Variants in RUFY2 observed in about 807,000 individuals in gnomAD.
RUFY2 encodes RUN and FYVE domain containing 2, also known as RUN and FYVE domain-containing protein 2.
RUFY2 carries 49 observed loss-of-function variants against 94.4 expected under a neutral mutation model. The observed-to-expected ratio is 0.52, with a 90% CI of 0.41 to 0.66. The LOEUF (loss-of-function observed/expected upper bound fraction) is 0.66. RUFY2 is among the 30% of genes least tolerant of loss of function. RUFY2 has a pLI of 0.00. For missense variants in RUFY2, 541 were observed against 692.8 expected, an observed-to-expected ratio of 0.78 and a Z score of 2.46; for synonymous variants, 255 against 235.7, an observed-to-expected ratio of 1.08 and a Z score of -0.75.
chr10:68,386,169 A>C, intron 7 of RUFY2, 41 bp from the exon 8 acceptor site: 3 of 1,553,328 alleles, frequency 1.9e-6, no homozygotes, highest in African/African-American at 2.7e-5. Context: ...AAATCACACG[A>C]ACTCAAAAAG....
chr10:68,386,180 G>T, intron 7 of RUFY2, 52 bp from the exon 8 acceptor site: 1 of 1,455,000 alleles, frequency 6.9e-7, no homozygotes, highest in Non-Finnish European at 9.6e-7. Context: ...ACTCAAAAAG[G>T]CACGAAAAAA....
chr10:68,390,739 A>G (rs2049911368), intron 7 of RUFY2, among the ~76,000 whole-genome samples: 1 of 151,526 alleles, frequency 6.6e-6, no homozygotes, highest in African/African-American at 2.4e-5. Flanking sequence ...AGGACTATAG[A>G]CATGTACCAC....
chr10:68,387,215 A>G (rs2049571385), intron 7 of RUFY2, among the ~76,000 whole-genome samples: 1 of 151,908 alleles, frequency 6.6e-6, no homozygotes, highest in South Asian at 2.1e-4. Context: ...AACTTAGCCA[A>G]GCGTGGTGGC....
chr10:68,399,750 A>G (rs1250788321), intron 3 of RUFY2, among the ~76,000 whole-genome samples: 1 of 152,232 alleles, frequency 6.6e-6, no homozygotes, highest in South Asian at 2.1e-4. Flanking sequence ...GATAAACTAA[A>G]GGGAGGCTGG....
chr10:68,395,935 C>CA (rs1471625454), intron 4 of RUFY2, among the ~76,000 whole-genome samples: 1 of 152,168 alleles, frequency 6.6e-6, no homozygotes, highest in Non-Finnish European at 1.5e-5. Context: ...ACCATGGGCC[C>CA]ACTCCCTTGG....
At chr10:68,355,527 T>G in intron 15 of RUFY2, 126 bp from the exon 16 acceptor site, 1 of 542,010 alleles carries the variant, frequency 1.8e-6, no homozygotes, top group East Asian at 3.3e-5. Context: ...TTTTATGGCC[T>G]TCTCTGGCTA....
chr10:68,393,163 C>A lies in RUFY2; in HGVS notation c.625G>T (p.Val209Phe). The A allele has an allele frequency of 6.5e-7, 1 of 1,547,432 alleles. No individual in the cohort carries two copies. The highest frequency in any genetic ancestry group is 8.9e-7 in the Non-Finnish European group (1 of 1,127,668). The change falls in exon 7 of 18, where the codon GTT (valine) becomes TTT (phenylalanine). Residue 209 changes from valine to phenylalanine, a missense_variant. Physicochemically the swap from Val to Phe is conservative, Grantham distance 50. Transcript: ENST00000602465. ...TTCAGTTGTCTATTTAATTCTTCAA[C>A]ATAATTCTTTTGGTCTAATATGGCA... Reference protein sequence around the residue: ...IAAILDQKNYVEELNRQLNST... With the variant: ...IAAILDQKNYFEELNRQLNST...
At chr10:68,379,107 ACTCT>A (rs2048854776) in intron 12 of RUFY2, 1 of 281,920 alleles carries the variant, frequency 3.5e-6, no homozygotes, top group Non-Finnish European at 6.5e-6. Flanking sequence ...GGATAATCTC[ACTCT>A]GTTTGTTCAT....
At chr10:68,378,444 G>A (rs1295815709) in intron 12 of RUFY2, 40 of 1,306,904 alleles carry the variant, frequency 3.1e-5, no homozygotes, top group Non-Finnish European at 3.7e-5. Flanking sequence ...ACCAAGAAAT[G>A]TACAGGGTTC....
chr10:68,379,557 T>TTG (rs772173930), intron 11 of RUFY2, 36 bp from the exon 12 acceptor site: 6 of 1,470,726 alleles, frequency 4.1e-6, no homozygotes, highest in Admixed American at 1.8e-5. Context: ...TGGTTTTGAT[T>TTG]TGTGTGTGTG....
intron 7 of RUFY2, among the ~76,000 whole-genome samples, chr10:68,391,981 C>A (rs1344946583): frequency 6.6e-6 from 1 of 151,356 alleles, no homozygotes; most frequent in Non-Finnish European, 1.5e-5. Context: ...AACAAACAAA[C>A]AAACAAACAA....
At chr10:68,341,493 ATTAC>A (rs933610359), downstream of RUFY2, 60 of 1,039,958 alleles carry the variant, frequency 5.8e-5, no homozygotes, top group African/African-American at 9.8e-5. Flanking sequence ...TTTGTTTAAT[ATTAC>A]TTAATTGATC....
At chr10:68,406,352 C>T (rs1436363558) in intron 1 of RUFY2, among the ~76,000 whole-genome samples, 3 of 152,072 alleles carry the variant, frequency 2.0e-5, no homozygotes, top group Non-Finnish European at 4.4e-5. Context: ...AAATCTGCAT[C>T]GTGGTCTGAC....
intron 15 of RUFY2, among the ~76,000 whole-genome samples, chr10:68,359,494 A>G (rs1195912117): frequency 2.7e-5 from 4 of 146,720 alleles, no homozygotes; most frequent in African/African-American, 9.9e-5. Flanking sequence ...ATATAGTAGT[A>G]CTACTATATA....
chr10:68,356,945 A>G (rs2047094567), intron 15 of RUFY2, among the ~76,000 whole-genome samples: 1 of 151,192 alleles, frequency 6.6e-6, no homozygotes, highest in South Asian at 2.1e-4. Context: ...AGACCGCCTG[A>G]GGTCAGGAAG....
At chr10:68,366,759 T>TATATTATATATATAA (rs1235098742) in intron 13 of RUFY2, among the ~76,000 whole-genome samples, 1,933 of 131,836 alleles carry the variant, frequency 0.015, 71 homozygotes, top group South Asian at 0.026. Context: ...TATATATATA[T>TATATTATATATATAA]AATATTAAAT....
Position 68,345,590 on chromosome 10 carries a change from A to G in RUFY2, c.*178T>C. 1.9e-6 allele frequency: 1 copy of G among 532,602 alleles called. No homozygotes were observed. The highest frequency in any genetic ancestry group is 3.2e-6 in the Non-Finnish European group (1 of 310,346). 33.0% of individuals were successfully genotyped at this position (532,602 alleles called of 1,614,324 possible). On this transcript the variant is annotated 3_prime_UTR_variant, in exon 18 of 18. Coordinates refer to ENST00000602465, the MANE Select transcript of RUFY2 (RefSeq NM_001330103.2). ...TGCTCTGTTGAAAATACATTTTGAA[A>G]AACAATGGGGAAGGAAATATATAAC...
At chr10:68,362,974 G>A (rs534304742) in intron 15 of RUFY2, among the ~76,000 whole-genome samples, 10 of 152,112 alleles carry the variant, frequency 6.6e-5, no homozygotes, top group Non-Finnish European at 1.0e-4. Context: ...ACAGCTCCCC[G>A]GATATTTTGA....
intron 3 of RUFY2, among the ~76,000 whole-genome samples, chr10:68,397,700 C>T (rs2050492989): frequency 1.3e-5 from 2 of 151,384 alleles, no homozygotes; most frequent in Admixed American, 6.6e-5. Context: ...GTTGCTTAAG[C>T]CCAGTAGGCA....
Sources: allele counts gnomAD v4.1 joint callset (sites outside exome capture counted in the v4.1 genomes callset), GRCh38; gene constraint gnomAD v4.1.1; transcripts MANE v1.5; gene names NCBI Gene and HGNC (gene_info 2026-07-23, HGNC 2026-07-21).